The following TMEM132B variants were observed in gnomAD, a reference collection of about 807,000 sequenced individuals.
The protein encoded by TMEM132B is transmembrane protein 132B.
TMEM132B carries 18 observed loss-of-function variants against 90.8 expected under a neutral mutation model. The observed-to-expected ratio is 0.20, with a 90% CI of 0.14 to 0.29. TMEM132B has a LOEUF of 0.29. Among genes scored for constraint, TMEM132B ranks in the 10% least tolerant of loss-of-function variants. The pLI is 1.00. For missense variants in TMEM132B, 1,096 were observed against 1,326.8 expected (o/e 0.83, Z 2.70); for synonymous variants, 504 against 523.3 (o/e 0.96, Z 0.50).
intron 5 of TMEM132B, among the ~76,000 whole-genome samples, chr12:125,596,354 C>G (rs2136907696): frequency 6.6e-6 from 1 of 152,262 alleles, no homozygotes; most frequent in East Asian, 1.9e-4. Context: ...TTCTCTTTTC[C>G]ATTCCATTGT....
intron 1 of TMEM132B, among the ~76,000 whole-genome samples, chr12:125,284,489 C>T (rs376051401): frequency 6.6e-6 from 1 of 152,214 alleles, no homozygotes. Flanking sequence ...CTTCCTCCCC[C>T]CTGCTCCCTT....
At chr12:125,323,586 T>G (rs907129209) in intron 1 of TMEM132B, among the ~76,000 whole-genome samples, 12 of 152,108 alleles carry the variant, frequency 7.9e-5, no homozygotes, top group Non-Finnish European at 1.6e-4. Flanking sequence ...TGGCACAATC[T>G]CAGCTCACTG....
intron 5 of TMEM132B, among the ~76,000 whole-genome samples, chr12:125,602,958 A>G (rs1291438476): frequency 6.6e-6 from 1 of 152,082 alleles, no homozygotes; most frequent in Non-Finnish European, 1.5e-5. Context: ...CAAGGAAATA[A>G]GAGTACACAA....
intron 2 of TMEM132B, among the ~76,000 whole-genome samples, chr12:125,384,370 A>C (rs1326184752): frequency 6.6e-6 from 1 of 152,130 alleles, no homozygotes; most frequent in East Asian, 1.9e-4. Context: ...CTATCAGTTA[A>C]ATTTTTGTTT....
intron 1 of TMEM132B, among the ~76,000 whole-genome samples, chr12:125,192,781 C>T (rs1462223570): frequency 6.6e-6 from 1 of 152,202 alleles, no homozygotes; most frequent in African/African-American, 2.4e-5. Context: ...TCTTGTTAGT[C>T]ACCAGGATTT....
At chr12:125,607,751 A>C (rs571177800) in intron 5 of TMEM132B, among the ~76,000 whole-genome samples, 1 of 152,310 alleles carries the variant, frequency 6.6e-6, no homozygotes, top group South Asian at 2.1e-4. Context: ...ATTAGCAACT[A>C]TTCCTCATTT....
Position 125,468,185 on chromosome 12 carries a change from A to G in TMEM132B, c.1107-51254A>G, listed in dbSNP as rs116088711. Among the ~76,000 whole-genome samples, 835 of 151,842 alleles carry G rather than the reference A, an allele frequency of 5.5e-3. 7 individuals carry two copies. The highest frequency in any genetic ancestry group is 0.037 in the Middle Eastern group (11 of 294). On this transcript the variant is annotated intron_variant, in intron 3 of 8. Coordinates refer to ENST00000682704, the MANE Select transcript of TMEM132B (RefSeq NM_001366854.1). ...TGTTTAACTTTTTGAGGAACCACCA[A>G]ATTGTTTTCTGCAGGGCTGCACCAT... is the stretch of plus-strand genomic sequence containing the variant.
At chr12:125,223,840 G>T (rs1403763768) in intron 1 of TMEM132B, among the ~76,000 whole-genome samples, 1 of 151,764 alleles carries the variant, frequency 6.6e-6, no homozygotes, top group Non-Finnish European at 1.5e-5. Context: ...AGGGTGGCGC[G>T]ATCTTGGTTC....
At position 125,554,518 on chromosome 12, in the gene TMEM132B, C is replaced by T. The variant is rs369637191; in HGVS notation, c.1294-29333C>T. 1.3e-4 allele frequency among the ~76,000 whole-genome samples: 19 copies of T among 147,670 alleles called. No homozygotes were observed. The South Asian group carries it at 2.2e-3, about 17-fold the overall frequency. On this transcript the variant is annotated intron_variant, in intron 4 of 8. Transcript: ENST00000682704. ...TAATTGTGTGGCTTATAATATGGAG[C>T]GGGCTTTTCTCTGCGTTGGTGGATC... is the stretch of plus-strand genomic sequence containing the variant.
intron 4 of TMEM132B, among the ~76,000 whole-genome samples, chr12:125,548,952 G>A (rs1884155720): frequency 6.6e-6 from 1 of 152,180 alleles, no homozygotes; most frequent in African/African-American, 2.4e-5. Context: ...GTGTTACCCT[G>A]TGAGAAAATA....
rs990490927 is a variant in TMEM132B, at chr12:125,589,957, G to T, written c.1437+5963G>T. Among the ~76,000 whole-genome samples, 12 of 152,200 alleles carry T rather than the reference G, an allele frequency of 7.9e-5. No homozygotes were observed. The Middle Eastern group carries it at 0.01, about 129-fold the overall frequency. ...ATCCCCAGTGGTGGAGGTGGGGCCT[G>T]GTGGGAGGTGTTTGGGTCATAGGTG... On this transcript the variant is annotated intron_variant, in intron 5 of 8. Transcript: ENST00000682704.
chr12:125,271,891 A>T (rs9738092), intron 1 of TMEM132B, among the ~76,000 whole-genome samples: 24,298 of 152,166 alleles, frequency 0.16, 2,512 homozygotes, highest in African/African-American at 0.29. Context: ...CTTAAATATG[A>T]TTATTTTAAA....
At chr12:125,289,341 T>C (rs569900504) in intron 1 of TMEM132B, among the ~76,000 whole-genome samples, 1 of 152,344 alleles carries the variant, frequency 6.6e-6, no homozygotes, top group East Asian at 1.9e-4. Context: ...GGCACCCTTC[T>C]GGTGCTTTCC....
intron 4 of TMEM132B, among the ~76,000 whole-genome samples, chr12:125,583,223 A>G (rs776791846): frequency 1.3e-5 from 2 of 152,162 alleles, no homozygotes; most frequent in Non-Finnish European, 2.9e-5. Context: ...TAGAACCTAC[A>G]GAACTCTGAG....
intron 4 of TMEM132B, among the ~76,000 whole-genome samples, chr12:125,575,083 T>TATATATATATATATATA (rs61155232): frequency 2.8e-3 from 316 of 114,446 alleles, no homozygotes; most frequent in East Asian, 5.0e-3. Flanking sequence ...TATATATATA[T>TATATATATATATATATA]TCAGGAGTAG....
intron 3 of TMEM132B, among the ~76,000 whole-genome samples, chr12:125,506,748 C>A (rs1382974003): frequency 1.3e-5 from 2 of 152,174 alleles, no homozygotes; most frequent in Non-Finnish European, 2.9e-5. Context: ...AGCTTCAATA[C>A]CCTTCTGGGT....
At chr12:125,355,546 C>T (rs545371792) in intron 2 of TMEM132B, among the ~76,000 whole-genome samples, 4 of 152,204 alleles carry the variant, frequency 2.6e-5, no homozygotes, top group African/African-American at 9.6e-5. Flanking sequence ...GGCTGCTGCA[C>T]GGTGGAAGAT....
At chr12:125,480,439 C>T (rs1450484025) in intron 3 of TMEM132B, among the ~76,000 whole-genome samples, 1 of 152,136 alleles carries the variant, frequency 6.6e-6, no homozygotes, top group Non-Finnish European at 1.5e-5. Context: ...CACCACCGAT[C>T]CCACAGAAAT....
chr12:125,186,774 G>C lies in TMEM132B; in HGVS notation c.-26G>C, dbSNP rs965769930. The C allele has an allele frequency of 1.3e-5, 2 of 148,768 alleles. No homozygotes were observed. Among genetic ancestry groups the C allele is most frequent in the Non-Finnish European group, 3.0e-5 (2 of 66,840 alleles). The allele number at this position is 148,768 out of a possible 1,614,324, so 9.2% of individuals were successfully genotyped here. On this transcript the variant is annotated 5_prime_UTR_variant, in exon 1 of 9. Coordinates refer to ENST00000682704, the MANE Select transcript of TMEM132B (RefSeq NM_001366854.1). This position sits in a 1 kb window ranked among gnomAD's most constrained non-coding sequence, Gnocchi z 6.3. ...GGGCGCGCGAGAGGAGCAGCCCCGC[G>C]CCGCACCCACCGCGCGCCGAGGACC...
Sources: gnomAD v4.1 joint callset for allele counts (sites outside exome capture counted in the v4.1 genomes callset) on GRCh38, gnomAD v4.1.1 for gene constraint, Gnocchi (gnomAD v3.1) non-coding constraint, MANE v1.5 for transcripts, NCBI Gene and HGNC (gene_info 2026-07-23, HGNC 2026-07-21) for gene names.